Variants in SDK1 observed in about 807,000 individuals in gnomAD.
SDK1 encodes the protein sidekick cell adhesion molecule 1.
A neutral mutation model predicts 245.5 loss-of-function variants in SDK1; 157 were observed. The observed-to-expected ratio is 0.64, with a 90% CI of 0.56 to 0.73. SDK1 has a LOEUF of 0.73. Ranked by LOEUF, SDK1 falls within the 30% of genes least tolerant of loss-of-function variation. The probability of loss-of-function intolerance (pLI) is 0.00; values close to 1 mark genes in which losing one functional copy is unlikely to be tolerated. For synonymous variants in SDK1, 1,647 were observed against 1,278.5 expected, an observed-to-expected ratio of 1.29 and a Z score of -6.15; for missense variants, 3,583 against 3,002.3, an observed-to-expected ratio of 1.19 and a Z score of -4.52.
At chr7:4,004,150 T>C (rs1785281977) in intron 14 of SDK1, among the ~76,000 whole-genome samples, 2 of 152,350 alleles carry the variant, frequency 1.3e-5, no homozygotes, top group South Asian at 2.1e-4. Flanking sequence ...GGTGCTTTTG[T>C]TCCACAAACA....
At chr7:3,546,951 C>T (rs1215712483) in intron 1 of SDK1, among the ~76,000 whole-genome samples, 1 of 152,132 alleles carries the variant, frequency 6.6e-6, no homozygotes, top group Non-Finnish European at 1.5e-5. Context: ...ATGAAGTCAT[C>T]TTTTCACACT....
intron 4 of SDK1, among the ~76,000 whole-genome samples, chr7:3,661,225 C>G (rs1193594817): frequency 6.6e-6 from 1 of 152,158 alleles, no homozygotes; most frequent in Non-Finnish European, 1.5e-5. Flanking sequence ...TAACTTTTTT[C>G]ATATATTTTT....
chr7:3,600,629 A>C (rs1781225769), intron 1 of SDK1, among the ~76,000 whole-genome samples: 2 of 133,470 alleles, frequency 1.5e-5, no homozygotes, highest in African/African-American at 5.9e-5. Context: ...ATCTTGGCTT[A>C]CTGCAAGCTC....
chr7:3,938,603 G>A (rs1451092409), intron 5 of SDK1, among the ~76,000 whole-genome samples: 6 of 147,542 alleles, frequency 4.1e-5, no homozygotes, highest in East Asian at 3.9e-4. Flanking sequence ...CCAAGATCGC[G>A]ACACTGCACT....
chr7:3,508,328 T>TCA (rs200068098), intron 1 of SDK1, among the ~76,000 whole-genome samples: 1 of 64,152 alleles, frequency 1.6e-5, no homozygotes, highest in Non-Finnish European at 2.8e-5. Flanking sequence ...TTCTTCTTCT[T>TCA]TTTTTTTTTT....
At chr7:3,517,830 C>T (rs1369112204) in intron 1 of SDK1, among the ~76,000 whole-genome samples, 1 of 152,142 alleles carries the variant, frequency 6.6e-6, no homozygotes, top group Non-Finnish European at 1.5e-5. Context: ...CATTTTAATA[C>T]CTCACACTAT....
intron 38 of SDK1, among the ~76,000 whole-genome samples, chr7:4,210,969 G>A (rs766871913): frequency 3.3e-5 from 5 of 152,168 alleles, no homozygotes; most frequent in Admixed American, 6.5e-5. Context: ...GGGAGGATCC[G>A]CCAATCTAGG....
chr7:4,198,522 C>T (rs1027910701), intron 35 of SDK1, among the ~76,000 whole-genome samples: 4 of 152,236 alleles, frequency 2.6e-5, no homozygotes, highest in Non-Finnish European at 5.9e-5. Context: ...TAGCCCATTA[C>T]CTGTTCTTGT....
intron 14 of SDK1, among the ~76,000 whole-genome samples, chr7:4,002,235 G>A (rs914032127): frequency 1.7e-5 from 1 of 57,160 alleles, no homozygotes; most frequent in Non-Finnish European, 3.2e-5. Flanking sequence ...GCCCGTCTCT[G>A]AGTCTGGGCT....
At chr7:3,369,860 C>G (rs953594614) in intron 1 of SDK1, among the ~76,000 whole-genome samples, 2 of 152,094 alleles carry the variant, frequency 1.3e-5, no homozygotes, top group Non-Finnish European at 2.9e-5. Flanking sequence ...CAGTGTTTCA[C>G]TTAAGAAAGT....
intron 4 of SDK1, among the ~76,000 whole-genome samples, chr7:3,747,123 A>C (rs1779648210): frequency 6.6e-6 from 1 of 152,200 alleles, no homozygotes; most frequent in Non-Finnish European, 1.5e-5. Context: ...GCATGATGTA[A>C]TATATAAATT....
At chr7:3,676,461 G>A (rs996264782) in intron 4 of SDK1, among the ~76,000 whole-genome samples, 1 of 151,988 alleles carries the variant, frequency 6.6e-6, no homozygotes, top group African/African-American at 2.4e-5. Flanking sequence ...AAGTAGCTGG[G>A]ACTACAGGCG....
intron 32 of SDK1, among the ~76,000 whole-genome samples, chr7:4,166,397 A>G (rs1254323129): frequency 1.3e-5 from 2 of 152,252 alleles, no homozygotes; most frequent in Admixed American, 6.5e-5. Context: ...TGATAGGAAG[A>G]CAGCAGAAGG....
At chr7:4,036,464 A>G (rs944525875) in intron 17 of SDK1, among the ~76,000 whole-genome samples, 10 of 152,356 alleles carry the variant, frequency 6.6e-5, no homozygotes, top group African/African-American at 2.2e-4. Flanking sequence ...TCTTTAGGGC[A>G]TAAACACTGA....
intron 1 of SDK1, among the ~76,000 whole-genome samples, chr7:3,595,951 TA>T (rs57774737): frequency 0.056 from 6,951 of 124,788 alleles, 507 homozygotes; most frequent in African/African-American, 0.19. Context: ...GTCTAATGGG[TA>T]TTTTTTTTTT....
chr7:4,255,183 A>G (rs1787550669), intron 44 of SDK1, among the ~76,000 whole-genome samples: 1 of 152,146 alleles, frequency 6.6e-6, no homozygotes, highest in Admixed American at 6.5e-5. Context: ...TACCGCTTCC[A>G]TTGTTGCTGA....
At chr7:3,562,921 G>A (rs1779792017) in intron 1 of SDK1, among the ~76,000 whole-genome samples, 1 of 56,054 alleles carries the variant, frequency 1.8e-5, no homozygotes, top group Non-Finnish European at 3.5e-5. Flanking sequence ...CAAGAGATAG[G>A]GGAGGTAAGG....
At chr7:3,710,261 G>C (rs1785011482) in intron 4 of SDK1, among the ~76,000 whole-genome samples, 1 of 152,194 alleles carries the variant, frequency 6.6e-6, no homozygotes, top group Non-Finnish European at 1.5e-5. Context: ...TTGTTATAAA[G>C]AGGGTTCATG....
rs78790964 is a variant in SDK1, at chr7:4,110,862, C to T, written c.3434+90C>T. 1,159 of 845,514 alleles carry T rather than the reference C, an allele frequency of 1.4e-3. 4 individuals carry two copies. The highest frequency in any genetic ancestry group is 8.2e-3 in the African/African-American group (498 of 60,368). The allele number at this position is 845,514 out of a possible 1,614,324, so 52.4% of individuals were successfully genotyped here. ...TTGGCAATAGTAAAACCCAGTCGTA[C>T]GTATGCAAATCAGATGTTTCCTAGT... On this transcript the variant is annotated intron_variant, in intron 23 of 44. Transcript: ENST00000404826.
Sources: allele counts gnomAD v4.1 joint callset (sites outside exome capture counted in the v4.1 genomes callset), GRCh38; gene constraint gnomAD v4.1.1; transcripts MANE v1.5; gene names NCBI Gene and HGNC (gene_info 2026-07-23, HGNC 2026-07-21).